CBFA2T2: variants seen among roughly 807,000 people sequenced by gnomAD.
CBFA2T2 encodes the protein CBFA2/RUNX1 partner transcriptional co-repressor 2, also known as protein CBFA2T2.
A neutral mutation model predicts 62.2 loss-of-function variants in CBFA2T2; 11 were observed. The observed-to-expected ratio is 0.18, with a 90% CI of 0.11 to 0.29. The LOEUF (loss-of-function observed/expected upper bound fraction) is 0.29. Among genes scored for constraint, CBFA2T2 ranks in the 10% least tolerant of loss-of-function variants. The pLI, the probability that CBFA2T2 is intolerant of heterozygous loss-of-function variation, is 1.00. For synonymous variants in CBFA2T2, 295 were observed against 287.5 expected, an observed-to-expected ratio of 1.03 and a Z score of -0.27; for missense variants, 592 against 774.1, an observed-to-expected ratio of 0.76 and a Z score of 2.79.
At chr20:33,570,762 C>G (rs2013529742) in intron 1 of CBFA2T2, among the ~76,000 whole-genome samples, 1 of 152,184 alleles carries the variant, frequency 6.6e-6, no homozygotes, top group South Asian at 2.1e-4. Flanking sequence ...AAGGAGTTTG[C>G]AGTCTAATGT....
At chr20:33,577,119 C>T (rs1217764677) in intron 1 of CBFA2T2, among the ~76,000 whole-genome samples, 8 of 152,192 alleles carry the variant, frequency 5.3e-5, no homozygotes, top group Admixed American at 2.6e-4. Context: ...ATTTGGAAAA[C>T]ACAGTAGAGT....
intron 1 of CBFA2T2, among the ~76,000 whole-genome samples, chr20:33,530,522 A>G (rs990102845): frequency 2.6e-5 from 4 of 152,054 alleles, no homozygotes; most frequent in Admixed American, 6.5e-5. Flanking sequence ...GGTTCATGCA[A>G]TTCTCCTGCT....
At chr20:33,548,332 C>T (rs563720463) in intron 1 of CBFA2T2, among the ~76,000 whole-genome samples, 29 of 151,986 alleles carry the variant, frequency 1.9e-4, no homozygotes, top group African/African-American at 6.5e-4. Context: ...CAACCTCTGC[C>T]TCCCAGGTTC....
chr20:33,630,042 C>G, intron 8 of CBFA2T2, 128 bp downstream of exon 8: 2 of 810,926 alleles, frequency 2.5e-6, no homozygotes, highest in Admixed American at 6.7e-5. Flanking sequence ...TAGGGAAACT[C>G]AGGTGATTAT....
At chr20:33,505,576 G>T (rs953550245) in intron 1 of CBFA2T2, among the ~76,000 whole-genome samples, 5 of 152,018 alleles carry the variant, frequency 3.3e-5, no homozygotes, top group Non-Finnish European at 4.4e-5. Flanking sequence ...TGGAGGTCAG[G>T]AGTTCGAGAC....
intron 1 of CBFA2T2, among the ~76,000 whole-genome samples, chr20:33,516,344 C>T (rs2011599771): frequency 6.6e-6 from 1 of 151,956 alleles, no homozygotes; most frequent in Non-Finnish European, 1.5e-5. Context: ...GTGGTGCATG[C>T]CTGTAATTCC....
intron 1 of CBFA2T2, among the ~76,000 whole-genome samples, chr20:33,513,892 T>A (rs949103488): frequency 2.0e-5 from 3 of 150,480 alleles, no homozygotes; most frequent in African/African-American, 7.3e-5. Context: ...CTGTTTTTTG[T>A]TTTGTGTTTT....
At chr20:33,531,055 C>A (rs1016304681) in intron 1 of CBFA2T2, among the ~76,000 whole-genome samples, 10 of 152,128 alleles carry the variant, frequency 6.6e-5, no homozygotes, top group Non-Finnish European at 1.2e-4. Context: ...TGCACTCCAA[C>A]CTGGGCAACA....
chr20:33,644,840 C>T lies in CBFA2T2; in HGVS notation c.*194C>T. ...CTTGCTGTCTGCGGAGCCAGTGTGC[C>T]ATTCTCTGCACATGGGCAGCCAGCC... On this transcript the variant is annotated 3_prime_UTR_variant, in exon 11 of 11. Coordinates refer to ENST00000342704, the MANE Select transcript of CBFA2T2 (RefSeq NM_001032999.3). The T allele has an allele frequency of 3.2e-6, 2 of 621,210 alleles. No individual in the cohort carries two copies. Among genetic ancestry groups the T allele is most frequent in the Non-Finnish European group, 5.4e-6 (2 of 367,384 alleles). 38.5% of individuals were successfully genotyped at this position (621,210 alleles called of 1,614,324 possible).
intron 1 of CBFA2T2, among the ~76,000 whole-genome samples, chr20:33,533,149 A>G (rs2012107469): frequency 6.6e-6 from 1 of 152,204 alleles, no homozygotes; most frequent in South Asian, 2.1e-4. Context: ...TTGACTTACA[A>G]TAAACTACAC....
intron 1 of CBFA2T2, among the ~76,000 whole-genome samples, chr20:33,598,328 T>G (rs2014975342): frequency 6.6e-6 from 1 of 152,114 alleles, no homozygotes; most frequent in African/African-American, 2.4e-5. Context: ...GTCTCGACCA[T>G]AAGAGACAGG....
At chr20:33,631,900 C>G (rs1219831604) in intron 8 of CBFA2T2, among the ~76,000 whole-genome samples, 2 of 152,140 alleles carry the variant, frequency 1.3e-5, no homozygotes, top group African/African-American at 2.4e-5. Context: ...CAGTATAATT[C>G]ATATCCTAAA....
chr20:33,598,534 C>T (rs1347902876), intron 1 of CBFA2T2, among the ~76,000 whole-genome samples: 1 of 152,152 alleles, frequency 6.6e-6, no homozygotes, highest in Non-Finnish European at 1.5e-5. Context: ...TGAACAATTG[C>T]TGTTATCCTG....
chr20:33,550,902 C>T (rs563357155), intron 1 of CBFA2T2, among the ~76,000 whole-genome samples: 1 of 151,938 alleles, frequency 6.6e-6, no homozygotes, highest in African/African-American at 2.4e-5. Flanking sequence ...GGATTACAAG[C>T]GTGAGCCACC....
rs940453851 is a variant in CBFA2T2, at chr20:33,649,351, G to A, written c.*4705G>A. Reference sequence around the variant, plus strand: ...GGGCCCTTCCAACTCTGGAGTGTCTGTAGTTCTTGTGAAACCAAAACGTTG... The same window carrying A: ...GGGCCCTTCCAACTCTGGAGTGTCTATAGTTCTTGTGAAACCAAAACGTTG... On this transcript the variant is annotated 3_prime_UTR_variant, in exon 11 of 11. Transcript: ENST00000342704. 1 of 152,678 alleles carries A rather than the reference G, an allele frequency of 6.5e-6. No homozygotes were observed. 9.5% of individuals were successfully genotyped at this position (152,678 alleles called of 1,614,324 possible). A position where few individuals can be genotyped will look rare whatever the true frequency, so the allele number is the denominator to read the frequency against.
chr20:33,519,659 A>C (rs780783578), intron 1 of CBFA2T2, among the ~76,000 whole-genome samples: 3 of 152,116 alleles, frequency 2.0e-5, no homozygotes, highest in African/African-American at 7.2e-5. Flanking sequence ...TGTGTATTCT[A>C]ATCATCTGGG....
At chr20:33,543,261 C>T (rs8123997) in intron 1 of CBFA2T2, among the ~76,000 whole-genome samples, 3,387 of 142,364 alleles carry the variant, frequency 0.024, 118 homozygotes, top group African/African-American at 0.083. Context: ...CTGTCTGCCT[C>T]GGCCTCCCAA....
chr20:33,528,688 A>G (rs975424515), intron 1 of CBFA2T2, among the ~76,000 whole-genome samples: 6 of 33,130 alleles, frequency 1.8e-4, no homozygotes, highest in Admixed American at 3.8e-4. Flanking sequence ...TTAAATGTCC[A>G]CTCGTGTGTG....
At chr20:33,641,677 G>A (rs1457795085) in intron 10 of CBFA2T2, among the ~76,000 whole-genome samples, 1 of 152,090 alleles carries the variant, frequency 6.6e-6, no homozygotes, top group African/African-American at 2.4e-5. Flanking sequence ...TCTACCTCCG[G>A]GTTCAAGCGA....
Sources: gnomAD v4.1 joint callset for allele counts (sites outside exome capture counted in the v4.1 genomes callset) on GRCh38, gnomAD v4.1.1 for gene constraint, MANE v1.5 for transcripts, NCBI Gene and HGNC (gene_info 2026-07-23, HGNC 2026-07-21) for gene names.